Variants in TBC1D30 observed in about 807,000 individuals in gnomAD.
TBC1D30 encodes TBC1 domain family member 30.
Under a neutral mutation model 63.2 loss-of-function variants are expected in TBC1D30, and 31 were observed. That is an observed-to-expected ratio of 0.49 (90% CI 0.37 to 0.66). The LOEUF is 0.66. Among genes scored for constraint, TBC1D30 ranks in the 30% least tolerant of loss-of-function variants. TBC1D30 has a pLI of 0.00. For missense variants in TBC1D30, 810 were observed against 953.6 expected, an observed-to-expected ratio of 0.85 and a Z score of 1.98; for synonymous variants, 307 against 361.5, an observed-to-expected ratio of 0.85 and a Z score of 1.71.
At chr12:64,760,078 A>G (rs1870443446) in intron 1 of TBC1D30, among the ~76,000 whole-genome samples, 1 of 152,146 alleles carries the variant, frequency 6.6e-6, no homozygotes, top group South Asian at 2.1e-4. Context: ...GCTTTATCCT[A>G]ATGGTTATCC....
chr12:64,816,569 G>T (rs1318630395), intron 2 of TBC1D30, among the ~76,000 whole-genome samples: 2 of 152,148 alleles, frequency 1.3e-5, no homozygotes, highest in Non-Finnish European at 2.9e-5. Context: ...GAATTCTAGG[G>T]TTGGAAGCTG....
At chr12:64,831,686 T>C (rs1432158572) in intron 4 of TBC1D30, among the ~76,000 whole-genome samples, 3 of 152,220 alleles carry the variant, frequency 2.0e-5, no homozygotes, top group Admixed American at 2.0e-4. Flanking sequence ...CTCCTTTATG[T>C]TATTTAGAGT....
At chr12:64,778,878 A>G (rs1345654312), upstream of TBC1D30, among the ~76,000 whole-genome samples, 1 of 152,130 alleles carries the variant, frequency 6.6e-6, no homozygotes, top group African/African-American at 2.4e-5. Flanking sequence ...AGTCATGCCA[A>G]TATCTAGGGG....
At chr12:64,830,257 G>A (rs763892265) in intron 3 of TBC1D30, 120 bp from the exon 4 acceptor site, 14 of 940,562 alleles carry the variant, frequency 1.5e-5, no homozygotes, top group Non-Finnish European at 2.1e-5. Flanking sequence ...ACTTATGAGC[G>A]ATAGATAGCT....
At chr12:64,775,100 AAAAAAT>A (rs1002250543) in intron 1 of TBC1D30, among the ~76,000 whole-genome samples, 4 of 145,184 alleles carry the variant, frequency 2.8e-5, no homozygotes, top group African/African-American at 1.0e-4. Context: ...CTCAAAAAAA[AAAAAAT>A]ATATATATAT....
intron 6 of TBC1D30, among the ~76,000 whole-genome samples, chr12:64,837,852 C>T (rs1875505070): frequency 6.6e-6 from 1 of 152,180 alleles, no homozygotes; most frequent in African/African-American, 2.4e-5. Context: ...GTGCCTTGCA[C>T]TTGGCTGTGA....
chr12:64,811,580 C>T (rs1200875762), intron 2 of TBC1D30, among the ~76,000 whole-genome samples: 1 of 152,210 alleles, frequency 6.6e-6, no homozygotes, highest in African/African-American at 2.4e-5. Context: ...CTGTGAGGTG[C>T]TCACCAAGCC....
chr12:64,818,034 G>A (rs2136340117), intron 2 of TBC1D30, among the ~76,000 whole-genome samples: 1 of 147,664 alleles, frequency 6.8e-6, no homozygotes, highest in South Asian at 2.2e-4. Context: ...CTGTACTCCA[G>A]CCTGGGCAAC....
chr12:64,879,256 C>T lies in TBC1D30; in HGVS notation c.*3468C>T, dbSNP rs3741742. 62,088 of 152,026 alleles carry T rather than the reference C, an allele frequency of 0.41. 14,013 individuals carry two copies. Among genetic ancestry groups the T allele is most frequent in the East Asian group, 0.74 (3,839 of 5,172 alleles). The allele number at this position is 152,026 out of a possible 1,614,324, so 9.4% of individuals were successfully genotyped here. On this transcript the variant is annotated 3_prime_UTR_variant, in exon 12 of 12. Transcript: ENST00000539867. The stretch of plus-strand genomic sequence containing the variant: ...TTAAGCTGTCTTTCTGGTAAATGCT[C>T]TTATACAATATGATTTTTAGTGACT...
intron 1 of TBC1D30, chr12:64,768,633 T>C (rs1870800488): frequency 6.6e-6 from 1 of 152,228 alleles, no homozygotes; most frequent in Non-Finnish European, 1.5e-5. Flanking sequence ...CCACCCTGCC[T>C]GGCGTGCAAA....
chr12:64,862,581 C>T (rs1877881082), intron 8 of TBC1D30, among the ~76,000 whole-genome samples: 1 of 152,104 alleles, frequency 6.6e-6, no homozygotes, highest in Admixed American at 6.5e-5. Context: ...GAACTTCCTT[C>T]ACAAGGCTGG....
intron 9 of TBC1D30, 64 bp from the exon 10 acceptor site, chr12:64,866,700 A>G: frequency 6.9e-7 from 1 of 1,449,096 alleles, no homozygotes. Context: ...ATGTAACTGT[A>G]TTATGTTTTA....
At chr12:64,761,201 A>G (rs1870497749) in intron 1 of TBC1D30, among the ~76,000 whole-genome samples, 2 of 152,228 alleles carry the variant, frequency 1.3e-5, no homozygotes, top group African/African-American at 4.8e-5. Context: ...ACTTTCTTGC[A>G]CAAAAAAATA....
intron 1 of TBC1D30, among the ~76,000 whole-genome samples, chr12:64,775,281 A>G (rs1014699102): frequency 5.9e-4 from 90 of 152,114 alleles, no homozygotes; most frequent in African/African-American, 2.2e-3. Context: ...ATACATATCA[A>G]TAATAACCTT....
chr12:64,799,928 A>G (rs1872506584), intron 2 of TBC1D30, among the ~76,000 whole-genome samples: 1 of 152,190 alleles, frequency 6.6e-6, no homozygotes, highest in Admixed American at 6.5e-5. Flanking sequence ...AACATGGTGA[A>G]ACCCTGTCTC....
intron 5 of TBC1D30, among the ~76,000 whole-genome samples, chr12:64,833,292 A>G (rs537387986): frequency 4.5e-4 from 68 of 152,272 alleles, no homozygotes; most frequent in African/African-American, 1.6e-3. Context: ...ACAAATTTTA[A>G]AAACATGTTG....
intron 2 of TBC1D30, among the ~76,000 whole-genome samples, chr12:64,809,818 A>G (rs1294723052): frequency 6.6e-6 from 1 of 152,170 alleles, no homozygotes; most frequent in East Asian, 1.9e-4. Context: ...TTAATCATGG[A>G]TCAAAAGCTA....
At chr12:64,839,847 T>C (rs1875692539) in intron 7 of TBC1D30, among the ~76,000 whole-genome samples, 1 of 151,788 alleles carries the variant, frequency 6.6e-6, no homozygotes, top group African/African-American at 2.4e-5. Flanking sequence ...CTACTAAATA[T>C]ACAAAAAATT....
Position 64,807,918 on chromosome 12 carries a change from G to GTTTTTTTTTTTTTTTTTTTTTTT in TBC1D30, c.644-19900_644-19899insTTTTTTTTTTTTTTTTTTTTTTT, listed in dbSNP as rs774145443. On this transcript the variant is annotated intron_variant, in intron 2 of 12. Transcript: ENST00000542120. Reference sequence around the variant, plus strand: ...GCCCATGCCACCCTGCCTAATTTAAGTTTTTTTTTTTTTTTTTGTAGAGCT... The same window carrying GTTTTTTTTTTTTTTTTTTTTTTT: ...GCCCATGCCACCCTGCCTAATTTAAGTTTTTTTTTTTTTTTTTTTTTTTTTTTTTTTTTTTTTTTTGTAGAGCT... Among the ~76,000 whole-genome samples, 20 of 93,500 alleles carry GTTTTTTTTTTTTTTTTTTTTTTT rather than the reference G, an allele frequency of 2.1e-4. 1 individual carries two copies. The highest frequency in any genetic ancestry group is 3.7e-4 in the East Asian group (1 of 2,714). The allele number at this position is 93,500 out of a possible 152,430, so 61.3% of individuals were successfully genotyped here.
Sources: allele counts gnomAD v4.1 joint callset (sites outside exome capture counted in the v4.1 genomes callset), GRCh38; gene constraint gnomAD v4.1.1; transcripts MANE v1.5; gene names NCBI Gene and HGNC (gene_info 2026-07-23, HGNC 2026-07-21).